The following CRTC3 variants were observed in gnomAD, a reference collection of about 807,000 sequenced individuals.
The protein encoded by CRTC3 is CREB regulated transcription coactivator 3.
In CRTC3, 26 loss-of-function variants were observed where a neutral mutation model predicts 74.5. That is an observed-to-expected ratio of 0.35 (90% confidence interval 0.26 to 0.48). CRTC3 has a LOEUF of 0.48. Among genes scored for constraint, CRTC3 ranks in the 20% least tolerant of loss-of-function variants. The pLI is 0.99. For synonymous variants in CRTC3, 377 were observed against 325.8 expected (o/e 1.16, Z -1.69); for missense variants, 760 against 787.3 (o/e 0.97, Z 0.41).
intron 13 of CRTC3, among the ~76,000 whole-genome samples, chr15:90,639,151 A>C (rs1969348449): frequency 6.6e-6 from 1 of 151,840 alleles, no homozygotes; most frequent in South Asian, 2.1e-4. Flanking sequence ...GCATAGGGAG[A>C]GTGGCGCCTG....
At chr15:90,615,765 G>A (rs1246669002) in intron 7 of CRTC3, among the ~76,000 whole-genome samples, 1 of 152,176 alleles carries the variant, frequency 6.6e-6, no homozygotes. Flanking sequence ...GTAGCCTTGA[G>A]CTGTGTGTGA....
chr15:90,542,725 G>A (rs1239007510), intron 2 of CRTC3, among the ~76,000 whole-genome samples: 1 of 152,192 alleles, frequency 6.6e-6, no homozygotes, highest in Non-Finnish European at 1.5e-5. Flanking sequence ...GTTATTGCCT[G>A]CAGTCTCCTT....
At chr15:90,566,593 A>G (rs1398260353) in intron 2 of CRTC3, among the ~76,000 whole-genome samples, 1 of 151,748 alleles carries the variant, frequency 6.6e-6, no homozygotes, top group African/African-American at 2.4e-5. Context: ...CCATAACATA[A>G]AAGTACAGGA....
Position 90,629,360 on chromosome 15 carries a change from G to C in CRTC3, c.1094G>C (p.Arg365Pro). The C allele has an allele frequency of 6.2e-7, 1 of 1,613,808 alleles. No homozygotes were observed. Among genetic ancestry groups the C allele is most frequent in the Non-Finnish European group, 8.5e-7 (1 of 1,179,972 alleles). ...PNASALHPSLRLFSLSNPSLS... is the reference protein window; with the variant it reads ...PNASALHPSLPLFSLSNPSLS... ...GCATCTGCTCTTCACCCTTCGCTCCGTCTGTTTTCCCTTAGCAACCCATCT... is the reference window on the plus strand; with the variant it reads ...GCATCTGCTCTTCACCCTTCGCTCCCTCTGTTTTCCCTTAGCAACCCATCT... The change falls in exon 11 of 15, where the codon CGT (arginine) becomes CCT (proline). Residue 365 changes from arginine to proline, a missense_variant. Arg to Pro is a moderately radical substitution (Grantham distance 103, BLOSUM62 -2). Coordinates refer to ENST00000268184, the MANE Select transcript of CRTC3 (RefSeq NM_022769.5).
chr15:90,542,242 G>T (rs934082382), intron 2 of CRTC3, among the ~76,000 whole-genome samples: 2 of 149,332 alleles, frequency 1.3e-5, no homozygotes, highest in Non-Finnish European at 3.0e-5. Flanking sequence ...GCAATAGCGC[G>T]ATCTCAGCTT....
At chr15:90,592,177 T>C (rs1304099763) in intron 2 of CRTC3, among the ~76,000 whole-genome samples, 1 of 152,194 alleles carries the variant, frequency 6.6e-6, no homozygotes, top group African/African-American at 2.4e-5. Context: ...ATAAAAACAT[T>C]GCGTCACAGG....
In CRTC3 at chr15:90,641,137, C is replaced by T. The variant is rs775466196; in HGVS notation, c.1589C>T (p.Ser530Phe). The stretch of plus-strand genomic sequence containing the variant: ...CAAGGTTCCCGAGAACTGCAGGACT[C>T]TTTTCATTTGAGACCAAGCCCGTAT... Reference protein sequence around the residue: ...VQQGSRELQDSFHLRPSPYSN... With the variant: ...VQQGSRELQDFFHLRPSPYSN... The change falls in exon 14 of 15, where the codon TCT (serine) becomes TTT (phenylalanine). Residue 530 changes from serine to phenylalanine, a missense_variant. Ser to Phe is a radical substitution (Grantham distance 155, BLOSUM62 -2). This residue lies in a region of CRTC3 where 652 missense variants were observed against 635.2 expected (regional missense o/e 1.03). Coordinates refer to ENST00000268184, the MANE Select transcript of CRTC3 (RefSeq NM_022769.5). 1.2e-6 allele frequency: 2 copies of T among 1,614,144 alleles called. No individual in the cohort carries two copies. Among genetic ancestry groups the T allele is most frequent in the Admixed American group, 3.3e-5 (2 of 60,022 alleles).
chr15:90,613,201 A>G (rs934561036), intron 6 of CRTC3, among the ~76,000 whole-genome samples: 9 of 151,906 alleles, frequency 5.9e-5, no homozygotes, highest in Admixed American at 2.6e-4. Context: ...AAAAAAAAAA[A>G]AAAAAAAATG....
intron 2 of CRTC3, among the ~76,000 whole-genome samples, chr15:90,577,960 A>G (rs1359984278): frequency 6.6e-6 from 1 of 152,108 alleles, no homozygotes; most frequent in Non-Finnish European, 1.5e-5. Context: ...CCCAGACTGG[A>G]GTGCAGTGGC....
intron 6 of CRTC3, among the ~76,000 whole-genome samples, chr15:90,610,529 G>A (rs796526564): frequency 2.3e-4 from 35 of 152,306 alleles, no homozygotes; most frequent in African/African-American, 8.4e-4. Context: ...TAGCTATTGA[G>A]TTCCATGACA....
chr15:90,584,232 C>T (rs1249041986), intron 2 of CRTC3, among the ~76,000 whole-genome samples: 1 of 131,140 alleles, frequency 7.6e-6, no homozygotes, highest in Non-Finnish European at 1.6e-5. Context: ...CACTCTTCAC[C>T]AACGCTTTTT....
chr15:90,604,746 G>T (rs1968171773), intron 5 of CRTC3, among the ~76,000 whole-genome samples: 1 of 152,166 alleles, frequency 6.6e-6, no homozygotes, highest in Admixed American at 6.5e-5. Context: ...ATCATGGGTT[G>T]GTTGTGAGGG....
Position 90,644,944 on chromosome 15 carries a change from G to T in CRTC3, c.*2804G>T. The T allele has an allele frequency of 4.3e-6, 1 of 232,484 alleles. No individual in the cohort carries two copies. The highest frequency in any genetic ancestry group is 6.1e-5 in the East Asian group (1 of 16,484). 14.4% of individuals were successfully genotyped at this position (232,484 alleles called of 1,614,324 possible). On this transcript the variant is annotated 3_prime_UTR_variant, in exon 15 of 15. Transcript: ENST00000268184. ...TTCCATTTTTTCTTTCTGTATGGTTGTGGGTTTTAGGACATAGGGGGTTAG... is the reference window on the plus strand; with the variant it reads ...TTCCATTTTTTCTTTCTGTATGGTTTTGGGTTTTAGGACATAGGGGGTTAG...
At chr15:90,569,819 A>AAT (rs1967219031) in intron 2 of CRTC3, among the ~76,000 whole-genome samples, 1 of 152,064 alleles carries the variant, frequency 6.6e-6, no homozygotes, top group African/African-American at 2.4e-5. Flanking sequence ...ACAGTTTTGG[A>AAT]ATATATATAA....
chr15:90,551,330 T>C (rs970826350), intron 2 of CRTC3, among the ~76,000 whole-genome samples: 2 of 38,748 alleles, frequency 5.2e-5, no homozygotes, highest in African/African-American at 3.0e-4. Context: ...TTTCTACCTC[T>C]TTTTTTCTGT....
intron 13 of CRTC3, among the ~76,000 whole-genome samples, chr15:90,640,720 A>G (rs1969407542): frequency 6.6e-6 from 1 of 151,894 alleles, no homozygotes; most frequent in Admixed American, 6.6e-5. Flanking sequence ...AAGAGTCCAT[A>G]CTTCCTTGGT....
At chr15:90,593,591 C>CA in intron 2 of CRTC3, 45 bp from the exon 3 acceptor site, 1 of 1,581,218 alleles carries the variant, frequency 6.3e-7, no homozygotes, top group East Asian at 2.3e-5. Context: ...GGGTGAGTGT[C>CA]AATTTCATGG....
At chr15:90,602,301 T>A (rs1336478923) in intron 3 of CRTC3, 23 bp from the exon 4 acceptor site, 4 of 1,410,886 alleles carry the variant, frequency 2.8e-6, no homozygotes, top group Admixed American at 1.7e-5. Flanking sequence ...TAATTTTTAT[T>A]TTTCCTTTAT....
Position 90,644,601 on chromosome 15 carries a change from G to C in CRTC3, c.*2461G>C, listed in dbSNP as rs1969562361. On this transcript the variant is annotated 3_prime_UTR_variant, in exon 15 of 15. Coordinates refer to ENST00000268184, the MANE Select transcript of CRTC3 (RefSeq NM_022769.5). Reference sequence around the variant, plus strand: ...TGTACACTGGGGGCAATATGGTTTAGCACTGAATTCAATTTGTCCTTAGGT... The same window carrying C: ...TGTACACTGGGGGCAATATGGTTTACCACTGAATTCAATTTGTCCTTAGGT... 5.6e-5 allele frequency: 13 copies of C among 232,344 alleles called. No individual in the cohort carries two copies. The East Asian group carries it at 7.9e-4, about 14-fold the overall frequency. The allele number at this position is 232,344 out of a possible 1,614,324, so 14.4% of individuals were successfully genotyped here. A position where few individuals can be genotyped will look rare whatever the true frequency, so the allele number is the denominator to read the frequency against.
Sources: gnomAD v4.1 joint callset for allele counts (sites outside exome capture counted in the v4.1 genomes callset) on GRCh38, gnomAD v4.1.1 for gene constraint, gnomAD v4.1.1 regional missense constraint, MANE v1.5 for transcripts, NCBI Gene and HGNC (gene_info 2026-07-23, HGNC 2026-07-21) for gene names.